The following B9D1 variants were observed in gnomAD, a reference collection of about 807,000 sequenced individuals.
The protein encoded by B9D1 is B9 domain-containing protein 1.
A neutral mutation model predicts 26.1 loss-of-function variants in B9D1; 20 were observed. The observed-to-expected ratio is 0.77, with a 90% CI of 0.54 to 1.12. B9D1 has a LOEUF of 1.12. Among genes scored for constraint, B9D1 ranks in the 50% most tolerant of loss-of-function variants. The pLI is 0.00. For synonymous variants in B9D1, 105 were observed against 103.1 expected (o/e 1.02, Z -0.11); for missense variants, 260 against 273.7 (o/e 0.95, Z 0.35).
At position 19,362,602 on chromosome 17, in the gene B9D1, A is replaced by G; in HGVS notation, c.-33T>C. ...CTGGGGGTGCCGGGGGGACCCACCT[A>G]GGCCGCGCGCGGTTGCTAAGAGACG... On this transcript the variant is annotated 5_prime_UTR_variant, in exon 1 of 7. Transcript: ENST00000261499. 1 of 1,579,720 alleles carries G rather than the reference A, an allele frequency of 6.3e-7. No individual in the cohort carries two copies. Among genetic ancestry groups the G allele is most frequent in the Non-Finnish European group, 8.6e-7 (1 of 1,162,520 alleles).
downstream of B9D1, among the ~76,000 whole-genome samples, chr17:19,339,700 ACTCAG>A (rs1907741670): frequency 6.6e-6 from 1 of 152,056 alleles, no homozygotes; most frequent in South Asian, 2.1e-4. Context: ...GGGTGCCCAG[ACTCAG>A]GCTCCTCCCT....
chr17:19,347,481 AC>A lies in B9D1; in HGVS notation c.342-151del. On this transcript the variant is annotated intron_variant, in intron 4 of 6. Coordinates refer to ENST00000261499, the MANE Select transcript of B9D1 (RefSeq NM_015681.6). The surrounding 1 kb of genome is among the most constrained non-coding windows in gnomAD (Gnocchi z 4.3). ...CGAATCCAACCTGTGCTAACTGAGC[AC>A]CCCCTGTGTCTGGGCAAGGTGCTGA... 1 of 985,484 alleles carries A rather than the reference AC, an allele frequency of 1.0e-6. No homozygotes were observed. Among genetic ancestry groups the A allele is most frequent in the Admixed American group, 2.0e-5 (1 of 50,270 alleles). 61.0% of individuals were successfully genotyped at this position (985,484 alleles called of 1,614,324 possible).
upstream of B9D1, among the ~76,000 whole-genome samples, chr17:19,366,736 C>T (rs975208544): frequency 6.6e-6 from 1 of 152,204 alleles, no homozygotes; most frequent in Non-Finnish European, 1.5e-5. Flanking sequence ...ACACTTGGAA[C>T]ACCGGTTGCT....
chr17:19,335,517 G>T, downstream of B9D1: 1 of 1,527,224 alleles, frequency 6.5e-7, no homozygotes, highest in Non-Finnish European at 8.8e-7. Flanking sequence ...TCAGGCTAAA[G>T]ATGGGGATAA....
chr17:19,350,364 G>A (rs548542064), intron 3 of B9D1, among the ~76,000 whole-genome samples: 1 of 152,152 alleles, frequency 6.6e-6, no homozygotes, highest in African/African-American at 2.4e-5. Flanking sequence ...TGGCCAACAT[G>A]GTGAAACCCC....
intron 3 of B9D1, among the ~76,000 whole-genome samples, chr17:19,351,812 A>G (rs1299900401): frequency 6.6e-6 from 1 of 152,084 alleles, no homozygotes; most frequent in Non-Finnish European, 1.5e-5. Context: ...GCTGTTCTTT[A>G]TATCTTATCT....
In B9D1 at chr17:19,348,120, C is replaced by G. The variant is rs1429593610; in HGVS notation, c.245-240G>C. Among the ~76,000 whole-genome samples the G allele has an allele frequency of 2.6e-5, 4 of 152,230 alleles. No homozygotes were observed. The East Asian group carries it at 7.8e-4, about 30-fold the overall frequency. ...GGCACACATTCCACACCCCTTCTCACCGCTATGGAGTCAGTGCCCACTCAG... is the reference window on the plus strand; with the variant it reads ...GGCACACATTCCACACCCCTTCTCAGCGCTATGGAGTCAGTGCCCACTCAG... On this transcript the variant is annotated intron_variant, in intron 3 of 6. Coordinates refer to ENST00000261499, the MANE Select transcript of B9D1 (RefSeq NM_015681.6).
At chr17:19,358,449 A>G (rs889776528) in intron 2 of B9D1, among the ~76,000 whole-genome samples, 1 of 152,062 alleles carries the variant, frequency 6.6e-6, no homozygotes, top group African/African-American at 2.4e-5. Flanking sequence ...CTCCCCTGCT[A>G]TTCTTTTGTG....
chr17:19,352,514 A>ATTTTT (rs34659490), intron 3 of B9D1, among the ~76,000 whole-genome samples: 15 of 95,138 alleles, frequency 1.6e-4, no homozygotes, highest in East Asian at 1.2e-3. Context: ...GGCCTGGCTA[A>ATTTTT]TTTTTTTTTT....
chr17:19,350,663 G>GA (rs1407025444), intron 3 of B9D1, among the ~76,000 whole-genome samples: 1 of 152,132 alleles, frequency 6.6e-6, no homozygotes, highest in African/African-American at 2.4e-5. Context: ...CGAGGTTGCA[G>GA]AAAAAATCTT....
downstream of B9D1, chr17:19,335,611 A>C: frequency 3.0e-5 from 18 of 605,556 alleles, no homozygotes; most frequent in East Asian, 6.7e-5. Context: ...CCCTAGGCTA[A>C]GACAGGGGTG....
upstream of B9D1, among the ~76,000 whole-genome samples, chr17:19,365,590 C>T (rs1252734088): frequency 6.6e-6 from 1 of 152,204 alleles, no homozygotes; most frequent in Non-Finnish European, 1.5e-5. The surrounding 1 kb of genome is among the most constrained non-coding windows in gnomAD (Gnocchi z 5.0). Context: ...ACTGAAGCCT[C>T]AGAGCTCAGC....
chr17:19,376,595 C>T (rs1418922107), intron 1 of B9D1, among the ~76,000 whole-genome samples: 1 of 114,400 alleles, frequency 8.7e-6, no homozygotes, highest in East Asian at 2.8e-4. Context: ...GCCAGGCCAA[C>T]AGGGTGAAAC....
chr17:19,343,696 C>A (rs753261770), intron 6 of B9D1, 94 bp downstream of exon 6: 2 of 1,612,346 alleles, frequency 1.2e-6, no homozygotes, highest in Admixed American at 3.3e-5. Flanking sequence ...ATGTGCCTGG[C>A]AGGTCCCCGG....
Position 19,347,175 on chromosome 17 carries a change from TGAG to T in B9D1, c.404+91_404+93del. 1 of 1,613,676 alleles carries T rather than the reference TGAG, an allele frequency of 6.2e-7. No individual in the cohort carries two copies. The highest frequency in any genetic ancestry group is 1.1e-5 in the South Asian group (1 of 91,026). On this transcript the variant is annotated intron_variant, in intron 5 of 6. Coordinates refer to ENST00000261499, the MANE Select transcript of B9D1 (RefSeq NM_015681.6). This position sits in a 1 kb window ranked among gnomAD's most constrained non-coding sequence, Gnocchi z 4.3. ...CAGTGGGTGGAGCAGCTTGCAGATC[TGAG>T]GAGGCGACCAGGCACAAACTGAGGG...
chr17:19,375,710 C>T (rs1487038973), intron 1 of B9D1, among the ~76,000 whole-genome samples: 1 of 152,094 alleles, frequency 6.6e-6, no homozygotes, highest in South Asian at 2.1e-4. Flanking sequence ...CCAGTGCACT[C>T]CAGCCTGGGC....
upstream of B9D1, among the ~76,000 whole-genome samples, chr17:19,364,988 C>G (rs1033993941): frequency 6.6e-6 from 1 of 152,252 alleles, no homozygotes; most frequent in African/African-American, 2.4e-5. The surrounding 1 kb of genome is among the most constrained non-coding windows in gnomAD (Gnocchi z 4.3). Context: ...GGGTCCCAAG[C>G]TCCACCCTGG....
downstream of B9D1, chr17:19,336,459 A>C (rs1017996454): frequency 6.6e-6 from 1 of 152,614 alleles, no homozygotes; most frequent in Non-Finnish European, 1.5e-5. Flanking sequence ...GGACCCAAGA[A>C]GACAGCCCCC....
chr17:19,345,516 G>A (rs763413119), intron 5 of B9D1, among the ~76,000 whole-genome samples: 3 of 152,136 alleles, frequency 2.0e-5, no homozygotes, highest in South Asian at 2.1e-4. Flanking sequence ...ATCTTGAGGC[G>A]ACTATCCAGG....
Sources: allele counts gnomAD v4.1 joint callset (sites outside exome capture counted in the v4.1 genomes callset), GRCh38; gene constraint gnomAD v4.1.1; non-coding constraint Gnocchi (gnomAD v3.1); transcripts MANE v1.5; gene names NCBI Gene and HGNC (gene_info 2026-07-23, HGNC 2026-07-21).